CCND3: variants seen among roughly 807,000 people sequenced by gnomAD.
CCND3 encodes the protein cyclin D3.
CCND3 carries 9 observed loss-of-function variants against 28.7 expected under a neutral mutation model. The ratio of observed to expected loss-of-function variants is 0.31; its 90% confidence interval spans 0.19 to 0.55. The LOEUF (loss-of-function observed/expected upper bound fraction) is 0.55. CCND3 is among the 20% of genes least tolerant of loss of function. CCND3 has a pLI of 0.93. For synonymous variants in CCND3, 164 were observed against 163.9 expected (o/e 1.00, Z 0.00); for missense variants, 315 against 385.8 (o/e 0.82, Z 1.54).
chr6:42,000,301 G>A (rs866101271), intron 1 of CCND3, among the ~76,000 whole-genome samples: 1 of 115,628 alleles, frequency 8.6e-6, no homozygotes, highest in Non-Finnish European at 1.6e-5. Context: ...GTTCAGTGGC[G>A]CGATCTCGGC....
chr6:41,948,573 T>A (rs1776226951), intron 1 of CCND3, among the ~76,000 whole-genome samples: 2 of 151,924 alleles, frequency 1.3e-5, no homozygotes, highest in Admixed American at 1.3e-4. Flanking sequence ...GCGCGGTGGC[T>A]CACGCCTGTA....
chr6:41,956,956 G>A (rs562913767), intron 1 of CCND3, among the ~76,000 whole-genome samples: 19 of 152,188 alleles, frequency 1.2e-4, no homozygotes, highest in East Asian at 5.8e-4. Flanking sequence ...GCATGAACCC[G>A]GGAGGCGGAA....
At chr6:42,022,900 G>A (rs114925801) in intron 1 of CCND3, among the ~76,000 whole-genome samples, 51 of 152,328 alleles carry the variant, frequency 3.3e-4, no homozygotes, top group African/African-American at 1.1e-3. Flanking sequence ...TCGGGGTGCT[G>A]GAGGCCCCAT....
rs563571656 is a variant in CCND3, at chr6:41,958,745, C to G, written c.-45-18160G>C. On this transcript the variant is annotated intron_variant, in intron 1 of 4. Transcript: ENST00000372988. The stretch of plus-strand genomic sequence containing the variant: ...TATCTAGGTAGGGTAAGAATATGTT[C>G]CAGTTAATGTCAGTCTTATTGGCAT... 2.0e-5 allele frequency among the ~76,000 whole-genome samples: 3 copies of G among 152,142 alleles called. No homozygotes were observed. The South Asian group carries it at 6.2e-4, about 32-fold the overall frequency.
intron 1 of CCND3, among the ~76,000 whole-genome samples, chr6:41,970,186 A>T (rs1212172331): frequency 3.3e-5 from 5 of 151,974 alleles, no homozygotes; most frequent in Non-Finnish European, 7.4e-5. Context: ...AAAAAATACA[A>T]AATTTAGCTG....
At chr6:42,013,348 A>G (rs1428729739) in intron 1 of CCND3, among the ~76,000 whole-genome samples, 1 of 152,186 alleles carries the variant, frequency 6.6e-6, no homozygotes, top group East Asian at 1.9e-4. Context: ...CATTGGTCTC[A>G]GCAGTTTTCA....
At position 41,940,501 on chromosome 6, in the gene CCND3, G is replaced by C; in HGVS notation, c.283C>G (p.Arg95Gly). ...CCCAGGAGCTGCAACTGCGCCTTTC[G>C]GGTGGGGACGCAAGACAGGTAGCGA... Reference protein sequence around the residue: ...LDRYLSCVPTRKAQLQLLGAV... With the variant: ...LDRYLSCVPTGKAQLQLLGAV... Residue 95 changes from arginine to glycine, a missense_variant, in exon 2 of 5, where the codon CGA becomes GGA. Transcript: ENST00000372991. The C allele has an allele frequency of 6.2e-7, 1 of 1,614,076 alleles. No homozygotes were observed. The highest frequency in any genetic ancestry group is 8.5e-7 in the Non-Finnish European group (1 of 1,179,996).
At chr6:42,027,396 C>T (rs1320417387) in intron 1 of CCND3, among the ~76,000 whole-genome samples, 7 of 151,102 alleles carry the variant, frequency 4.6e-5, no homozygotes, top group Admixed American at 6.6e-5. Context: ...GCCGAGATCG[C>T]GCCACTGCAC....
chr6:42,044,848 G>A (rs1439070055), intron 1 of CCND3, among the ~76,000 whole-genome samples: 2 of 150,410 alleles, frequency 1.3e-5, no homozygotes, highest in Non-Finnish European at 2.9e-5. Context: ...GAGTGCGATG[G>A]CGTGATCTTG....
At chr6:41,937,536 CG>C (rs1775848456) in intron 2 of CCND3, 142 bp from the exon 3 acceptor site, 1 of 970,538 alleles carries the variant, frequency 1.0e-6, no homozygotes. Flanking sequence ...ATTTTAAGGC[CG>C]GGCACCATGG....
chr6:42,010,142 G>C (rs543229489), intron 1 of CCND3, among the ~76,000 whole-genome samples: 11 of 152,256 alleles, frequency 7.2e-5, no homozygotes, highest in Non-Finnish European at 1.2e-4. Flanking sequence ...CTTCATAAGT[G>C]GTTTCTTCTG....
Position 42,014,300 on chromosome 6 carries a change from G to T in CCND3, c.-46+34201C>A, listed in dbSNP as rs566357400. ...GAGAATGGCGTGAACCCCGGGGGGC[G>T]GAGCCTGCAGTGAGCCGAGATGGCG... On this transcript the variant is annotated intron_variant, in intron 1 of 4. Coordinates refer to the CCND3 transcript ENST00000372988. Among the ~76,000 whole-genome samples, 136 of 152,082 alleles carry T rather than the reference G, an allele frequency of 8.9e-4. No homozygotes were observed. The Middle Eastern group carries it at 0.014, about 15-fold the overall frequency.
At chr6:42,014,356 ACT>A (rs1201055105) in intron 1 of CCND3, among the ~76,000 whole-genome samples, 4 of 149,984 alleles carry the variant, frequency 2.7e-5, no homozygotes, top group Non-Finnish European at 5.9e-5. Context: ...CAACAGCGAG[ACT>A]CTGTCTCAAA....
At chr6:41,979,962 T>A (rs1218647713) in intron 1 of CCND3, among the ~76,000 whole-genome samples, 1 of 148,422 alleles carries the variant, frequency 6.7e-6, no homozygotes. Context: ...CTTGGTATAT[T>A]TCTACATGGT....
At position 42,040,948 on chromosome 6, in the gene CCND3, T is replaced by G. The variant is rs564928296; in HGVS notation, c.-46+7553A>C. Among the ~76,000 whole-genome samples, 3 of 151,976 alleles carry G rather than the reference T, an allele frequency of 2.0e-5. No homozygotes were observed. The South Asian group carries it at 6.3e-4, about 32-fold the overall frequency. The stretch of plus-strand genomic sequence containing the variant: ...GAAATGGGTTAATAAATATCCATAC[T>G]TATTATAAACTGACTTATGTACAAA... On this transcript the variant is annotated intron_variant, in intron 1 of 4. Coordinates refer to the CCND3 transcript ENST00000372988.
chr6:41,988,544 G>T (rs1762551537), intron 1 of CCND3, among the ~76,000 whole-genome samples: 1 of 151,950 alleles, frequency 6.6e-6, no homozygotes, highest in East Asian at 1.9e-4. Flanking sequence ...TCACAATACT[G>T]TTCCTAAAGG....
chr6:41,992,544 G>A (rs551033138), intron 1 of CCND3, among the ~76,000 whole-genome samples: 1 of 147,386 alleles, frequency 6.8e-6, no homozygotes, highest in Admixed American at 6.8e-5. Flanking sequence ...CACCTCCCGG[G>A]TTCAGACAAT....
chr6:42,007,955 C>A (rs182679717), intron 1 of CCND3, among the ~76,000 whole-genome samples: 2 of 150,046 alleles, frequency 1.3e-5, no homozygotes, highest in Non-Finnish European at 3.0e-5. Flanking sequence ...GAGCAGCTGG[C>A]GGGGTGTGAA....
intron 1 of CCND3, among the ~76,000 whole-genome samples, chr6:42,041,776 G>T (rs561126595): frequency 6.6e-6 from 1 of 152,300 alleles, no homozygotes. Context: ...AAGACTTTGC[G>T]AATAATAAAC....
Sources: gnomAD v4.1 joint callset for allele counts (sites outside exome capture counted in the v4.1 genomes callset) on GRCh38, gnomAD v4.1.1 for gene constraint, MANE v1.5 for transcripts, NCBI Gene and HGNC (gene_info 2026-07-23, HGNC 2026-07-21) for gene names.